SPART: variants seen among roughly 807,000 people sequenced by gnomAD.
SPART encodes the protein spartin.
A neutral mutation model predicts 58.7 loss-of-function variants in SPART; 35 were observed. The ratio of observed to expected loss-of-function variants is 0.60; its 90% CI spans 0.46 to 0.79. The LOEUF is 0.79. Among genes scored for constraint, SPART ranks in the 30% least tolerant of loss-of-function variants. The pLI, the probability that SPART is intolerant of heterozygous loss-of-function variation, is 0.00. For missense variants in SPART, 730 were observed against 786.1 expected (o/e 0.93, Z 0.85); for synonymous variants, 284 against 280.7 (o/e 1.01, Z -0.12).
chr13:36,359,171 C>A (rs932976838), intron 1 of SPART, among the ~76,000 whole-genome samples: 1 of 152,152 alleles, frequency 6.6e-6, no homozygotes, highest in African/African-American at 2.4e-5. Flanking sequence ...TTGTTGAATA[C>A]CGTATGCTCA....
intron 8 of SPART, among the ~76,000 whole-genome samples, chr13:36,310,458 C>T (rs778221537): frequency 2.6e-5 from 4 of 152,060 alleles, no homozygotes; most frequent in Non-Finnish European, 4.4e-5. Context: ...TTTACTCTCA[C>T]CTTCAATACC....
At chr13:36,328,807 G>T (rs1350527262) in intron 4 of SPART, among the ~76,000 whole-genome samples, 1 of 151,418 alleles carries the variant, frequency 6.6e-6, no homozygotes, top group Non-Finnish European at 1.5e-5. Flanking sequence ...AAAAAAACAG[G>T]AAACTGAATA....
chr13:36,322,854 T>C (rs1593243759), intron 5 of SPART, among the ~76,000 whole-genome samples: 1 of 152,338 alleles, frequency 6.6e-6, no homozygotes, highest in Middle Eastern at 3.4e-3. Flanking sequence ...ATATAATTTA[T>C]GCCAGAATAA....
chr13:36,305,689 A>T (rs1438080358), intron 8 of SPART, among the ~76,000 whole-genome samples: 1 of 152,186 alleles, frequency 6.6e-6, no homozygotes, highest in Non-Finnish European at 1.5e-5. Context: ...ATACAATTTG[A>T]GGTCCTATAC....
intron 5 of SPART, among the ~76,000 whole-genome samples, chr13:36,316,052 T>C (rs1566113632): frequency 6.6e-6 from 1 of 152,250 alleles, no homozygotes; most frequent in Non-Finnish European, 1.5e-5. Flanking sequence ...GCTATGTAGA[T>C]ATTTTAAATG....
At chr13:36,335,887 T>C (rs911636029) in intron 1 of SPART, 55 bp from the exon 2 acceptor site, 34 of 1,346,122 alleles carry the variant, frequency 2.5e-5, no homozygotes, top group African/African-American at 5.7e-5. Context: ...TTACTTATGA[T>C]TCGTATCTCC....
At chr13:36,332,284 G>A (rs993077533) in intron 2 of SPART, among the ~76,000 whole-genome samples, 1 of 152,186 alleles carries the variant, frequency 6.6e-6, no homozygotes, top group Non-Finnish European at 1.5e-5. Flanking sequence ...ATTATTTGAG[G>A]TCAGGAGTTC....
At chr13:36,317,355 T>C (rs1420534410) in intron 5 of SPART, among the ~76,000 whole-genome samples, 2 of 151,898 alleles carry the variant, frequency 1.3e-5, no homozygotes, top group Non-Finnish European at 1.5e-5. Context: ...CAGCAAGTCC[T>C]GCTTTTCTAG....
intron 1 of SPART, among the ~76,000 whole-genome samples, chr13:36,358,006 C>T (rs1461927623): frequency 1.1e-4 from 17 of 152,064 alleles, no homozygotes; most frequent in Middle Eastern, 3.2e-3. Flanking sequence ...CTGGTCCATC[C>T]GAGCCTGATT....
In SPART at chr13:36,344,247, G is replaced by GAATATAGCTAGAAGC. The variant is rs549105063; in HGVS notation, c.-3+1963_-3+1977dup. ...AAAGTAGAAGCGAGGCATAATGAAG[G>GAATATAGCTAGAAGC]AATATAGCTAGAAGCAATATTTACC... On this transcript the variant is annotated intron_variant, in intron 1 of 8. Coordinates refer to ENST00000438666, the MANE Select transcript of SPART (RefSeq NM_015087.5). 6.0e-4 allele frequency among the ~76,000 whole-genome samples: 92 copies of GAATATAGCTAGAAGC among 152,212 alleles called. 1 individual carries two copies. The highest frequency in any genetic ancestry group is 2.0e-3 in the African/African-American group (84 of 41,522).
chr13:36,325,051 T>A (rs941081525), intron 5 of SPART, among the ~76,000 whole-genome samples: 14 of 152,200 alleles, frequency 9.2e-5, no homozygotes, highest in African/African-American at 3.1e-4. Flanking sequence ...TTGTGATTCT[T>A]CAGTTACTTC....
In SPART at chr13:36,340,331, C is replaced by G. The variant is rs916008213; in HGVS notation, c.-2-4499G>C. Among the ~76,000 whole-genome samples the G allele has an allele frequency of 3.3e-5, 5 of 151,968 alleles. No homozygotes were observed. The East Asian group carries it at 5.8e-4, about 18-fold the overall frequency. On this transcript the variant is annotated intron_variant, in intron 1 of 8. Coordinates refer to ENST00000438666, the MANE Select transcript of SPART (RefSeq NM_015087.5). ...TGAGCCGAGATCACACCACTGCACT[C>G]CAGCCTGGGCGACAGAGCAAGACTC...
chr13:36,368,751 C>T (rs1234490925), intron 1 of SPART, among the ~76,000 whole-genome samples: 1 of 152,178 alleles, frequency 6.6e-6, no homozygotes, highest in Non-Finnish European at 1.5e-5. Flanking sequence ...CGCCTGTAAT[C>T]CCAGCACTTT....
At chr13:36,317,617 C>T (rs1881873356) in intron 5 of SPART, among the ~76,000 whole-genome samples, 1 of 151,936 alleles carries the variant, frequency 6.6e-6, no homozygotes, top group East Asian at 1.9e-4. Context: ...GCCCCAACCC[C>T]TTTTCTGGAA....
At chr13:36,332,269 G>A (rs1883531534) in intron 2 of SPART, among the ~76,000 whole-genome samples, 1 of 152,182 alleles carries the variant, frequency 6.6e-6, no homozygotes, top group East Asian at 1.9e-4. Flanking sequence ...AGGAGAGGTG[G>A]GGGGATTATT....
At chr13:36,316,150 G>A (rs891765624) in intron 5 of SPART, among the ~76,000 whole-genome samples, 3 of 152,214 alleles carry the variant, frequency 2.0e-5, no homozygotes, top group East Asian at 1.9e-4. Flanking sequence ...GACCATGAAC[G>A]TTTGCTGAAT....
At chr13:36,305,742 T>G (rs1176795568) in intron 8 of SPART, among the ~76,000 whole-genome samples, 1 of 152,210 alleles carries the variant, frequency 6.6e-6, no homozygotes, top group Non-Finnish European at 1.5e-5. Flanking sequence ...GTTTTACTCT[T>G]TACCCCATTT....
chr13:36,349,451 C>T (rs945659906), upstream of SPART, among the ~76,000 whole-genome samples: 8 of 152,168 alleles, frequency 5.3e-5, no homozygotes, highest in Admixed American at 2.0e-4. Flanking sequence ...AAGACACTGG[C>T]CAGGCACCAT....
chr13:36,316,855 C>T (rs1881770116), intron 5 of SPART, among the ~76,000 whole-genome samples: 1 of 152,126 alleles, frequency 6.6e-6, no homozygotes, highest in Non-Finnish European at 1.5e-5. Context: ...GAAAGATCCA[C>T]CTACAACCTC....
Sources: allele counts gnomAD v4.1 joint callset (sites outside exome capture counted in the v4.1 genomes callset), GRCh38; gene constraint gnomAD v4.1.1; transcripts MANE v1.5; gene names NCBI Gene and HGNC (gene_info 2026-07-23, HGNC 2026-07-21).